Variants in GSG1L observed in about 807,000 individuals in gnomAD.
GSG1L encodes germ cell-specific gene 1-like protein.
In GSG1L, 24 loss-of-function variants were observed where a neutral mutation model predicts 42.1. The ratio of observed to expected loss-of-function variants is 0.57; its 90% CI spans 0.41 to 0.80. The LOEUF (loss-of-function observed/expected upper bound fraction) is 0.80, where lower values mean the gene tolerates loss of function less well. Ranked by LOEUF, GSG1L falls within the 30% of genes least tolerant of loss-of-function variation. The pLI is 0.00. For missense variants in GSG1L, 445 were observed against 472.2 expected, an observed-to-expected ratio of 0.94 and a Z score of 0.53; for synonymous variants, 215 against 203.5, an observed-to-expected ratio of 1.06 and a Z score of -0.48.
rs192820456 is a variant in GSG1L at position 27,811,400 on chromosome 16, G to A, written c.831-3846C>T. The stretch of plus-strand genomic sequence containing the variant: ...CATGTGGTGAGTTTCCATCAGCAGA[G>A]GTGCTCAGGACTAGAGTATCACCAG... On this transcript the variant is annotated intron_variant, in intron 5 of 6. Coordinates refer to ENST00000447459, the MANE Select transcript of GSG1L (RefSeq NM_001109763.2). Among the ~76,000 whole-genome samples the A allele has an allele frequency of 2.8e-3, 431 of 152,244 alleles. 1 individual carries two copies. The highest frequency in any genetic ancestry group is 9.9e-3 in the African/African-American group (412 of 41,538).
intron 1 of GSG1L, among the ~76,000 whole-genome samples, chr16:27,973,207 T>C (rs976135696): frequency 6.6e-6 from 1 of 151,952 alleles, no homozygotes; most frequent in Non-Finnish European, 1.5e-5. Context: ...CCCAGCACTT[T>C]GGGAAGCTGA....
chr16:27,867,063 T>G (rs1164018844), intron 3 of GSG1L, among the ~76,000 whole-genome samples: 1 of 152,214 alleles, frequency 6.6e-6, no homozygotes, highest in Non-Finnish European at 1.5e-5. Flanking sequence ...CCACAGTTTC[T>G]GTAACACTCA....
chr16:27,975,540 G>C (rs2085241126), intron 1 of GSG1L, among the ~76,000 whole-genome samples: 4 of 152,196 alleles, frequency 2.6e-5, no homozygotes, highest in Admixed American at 1.3e-4. Context: ...ACGTGCAGGG[G>C]ACTTTTCCTC....
chr16:27,808,088 C>T (rs2082989324), intron 5 of GSG1L, among the ~76,000 whole-genome samples: 2 of 150,910 alleles, frequency 1.3e-5, no homozygotes, highest in East Asian at 1.9e-4. Flanking sequence ...ATTTCCCTCC[C>T]CTCCGCCCAC....
chr16:27,982,341 G>T (rs2085335026), intron 1 of GSG1L, among the ~76,000 whole-genome samples: 1 of 152,232 alleles, frequency 6.6e-6, no homozygotes, highest in African/African-American at 2.4e-5. Context: ...ACTCAGCCCA[G>T]CCAGGTACAA....
At chr16:27,922,152 C>T (rs905192391) in intron 2 of GSG1L, among the ~76,000 whole-genome samples, 1 of 151,966 alleles carries the variant, frequency 6.6e-6, no homozygotes, top group African/African-American at 2.4e-5. Flanking sequence ...CCTTCACACC[C>T]CCAAAATGAC....
intron 2 of GSG1L, among the ~76,000 whole-genome samples, chr16:27,929,252 C>T (rs1164542275): frequency 6.6e-6 from 1 of 152,200 alleles, no homozygotes; most frequent in Non-Finnish European, 1.5e-5. Flanking sequence ...CTTCTGTTAA[C>T]AGCTGACTTA....
At chr16:27,933,625 G>T in intron 2 of GSG1L, among the ~76,000 whole-genome samples, 1 of 143,050 alleles carries the variant, frequency 7.0e-6, no homozygotes, top group African/African-American at 2.6e-5. Context: ...CTCCAGCCTG[G>T]GTGACAGAGC....
chr16:27,856,399 C>T (rs2083578155), intron 3 of GSG1L, among the ~76,000 whole-genome samples: 3 of 152,228 alleles, frequency 2.0e-5, no homozygotes, highest in Admixed American at 6.5e-5. Context: ...CTGCAGCCTT[C>T]AACTCCTGGG....
At chr16:27,988,487 T>C (rs539576324) in intron 1 of GSG1L, among the ~76,000 whole-genome samples, 1 of 152,064 alleles carries the variant, frequency 6.6e-6, no homozygotes, top group Admixed American at 6.6e-5. Flanking sequence ...TAGATAAAAA[T>C]AAATGAATCT....
chr16:28,051,865 G>A (rs1358315081), intron 1 of GSG1L, among the ~76,000 whole-genome samples: 1 of 152,186 alleles, frequency 6.6e-6, no homozygotes, highest in Non-Finnish European at 1.5e-5. Context: ...GGTCTGAGCA[G>A]AGGGACTCCA....
At chr16:27,808,287 G>A (rs772790774) in intron 5 of GSG1L, among the ~76,000 whole-genome samples, 14 of 152,260 alleles carry the variant, frequency 9.2e-5, no homozygotes, top group East Asian at 7.7e-4. Flanking sequence ...GGGTCTTGTC[G>A]TGTTGGCCAG....
intron 6 of GSG1L, among the ~76,000 whole-genome samples, chr16:27,795,032 T>C (rs2082802564): frequency 6.6e-6 from 1 of 152,040 alleles, no homozygotes; most frequent in South Asian, 2.1e-4. Flanking sequence ...CTCATCACTT[T>C]GTGTTGTAAT....
chr16:27,800,175 T>C (rs1017797872), intron 6 of GSG1L, among the ~76,000 whole-genome samples: 2 of 152,190 alleles, frequency 1.3e-5, no homozygotes, highest in Admixed American at 6.5e-5. Context: ...GATATTTATT[T>C]TAGAAATACT....
chr16:28,032,978 C>G (rs554928534), intron 1 of GSG1L, among the ~76,000 whole-genome samples: 1 of 152,318 alleles, frequency 6.6e-6, no homozygotes, highest in East Asian at 1.9e-4. Flanking sequence ...GTCCTGTCAC[C>G]TTCCTGCTTA....
intron 5 of GSG1L, among the ~76,000 whole-genome samples, chr16:27,824,504 T>A (rs2083186411): frequency 6.8e-6 from 1 of 147,502 alleles, no homozygotes; most frequent in Non-Finnish European, 1.5e-5. Context: ...TGCAAACCTA[T>A]GCAGACATCT....
intron 2 of GSG1L, among the ~76,000 whole-genome samples, chr16:27,945,949 G>T (rs925698233): frequency 6.6e-6 from 1 of 152,252 alleles, no homozygotes; most frequent in African/African-American, 2.4e-5. Context: ...CCCCTCAGCT[G>T]CTGCCTCCCT....
At chr16:27,949,105 AG>A (rs1398228331) in intron 2 of GSG1L, among the ~76,000 whole-genome samples, 3 of 151,280 alleles carry the variant, frequency 2.0e-5, no homozygotes, top group African/African-American at 7.3e-5. Context: ...TTTTAGAGAC[AG>A]GGGTCTTGTT....
At chr16:27,948,124 T>C (rs2084905683) in intron 2 of GSG1L, among the ~76,000 whole-genome samples, 1 of 152,316 alleles carries the variant, frequency 6.6e-6, no homozygotes, top group South Asian at 2.1e-4. Flanking sequence ...ATTTTATTAG[T>C]TCACCTGGGG....
Sources: allele counts gnomAD v4.1 joint callset (sites outside exome capture counted in the v4.1 genomes callset), GRCh38; gene constraint gnomAD v4.1.1; transcripts MANE v1.5; gene names NCBI Gene and HGNC (gene_info 2026-07-23, HGNC 2026-07-21).